Variants in MFSD6 observed in about 807,000 individuals in gnomAD.
The protein encoded by MFSD6 is major facilitator superfamily domain-containing protein 6.
In MFSD6, 26 loss-of-function variants were observed where a neutral mutation model predicts 56.3. That is an observed-to-expected ratio of 0.46 (90% CI 0.34 to 0.64). The LOEUF (loss-of-function observed/expected upper bound fraction) is 0.64, where lower values mean the gene tolerates loss of function less well. Ranked by LOEUF, MFSD6 falls within the 30% of genes least tolerant of loss-of-function variation. The pLI is 0.01. For missense variants in MFSD6, 750 were observed against 986.2 expected (o/e 0.76, Z 3.21); for synonymous variants, 331 against 366.9 (o/e 0.90, Z 1.12).
intron 4 of MFSD6, among the ~76,000 whole-genome samples, chr2:190,474,533 G>T (rs1423578841): frequency 3.9e-5 from 6 of 152,138 alleles, no homozygotes; most frequent in Non-Finnish European, 1.5e-5. Flanking sequence ...TTGAATCTCT[G>T]AATAGACCAA....
chr2:190,451,913 CTTA>C lies in MFSD6; in HGVS notation c.1532+14361_1532+14363del, dbSNP rs1559118951. Among the ~76,000 whole-genome samples, 1 of 152,102 alleles carries C rather than the reference CTTA, an allele frequency of 6.6e-6. No individual in the cohort carries two copies. Among genetic ancestry groups the C allele is most frequent in the African/African-American group, 2.4e-5 (1 of 41,432 alleles). ...AGGCAATTGCTTGGGCAGAGGATTT[CTTA>C]TTATTATTTATCTCACCCTACTTTA... On this transcript the variant is annotated intron_variant, in intron 3 of 7. Transcript: ENST00000392328. This position sits in a 1 kb window ranked among gnomAD's most constrained non-coding sequence, Gnocchi z 5.0.
intron 3 of MFSD6, among the ~76,000 whole-genome samples, chr2:190,448,278 C>T (rs985692813): frequency 6.6e-6 from 1 of 152,182 alleles, no homozygotes; most frequent in African/African-American, 2.4e-5. Context: ...CTAGATACTC[C>T]CTATGGCCTA....
In MFSD6 at chr2:190,412,178, T is replaced by C. The variant is rs1690587835; in HGVS notation, c.-175-3114T>C. ...AACCACTGCTTAGAATCCTTAAAAA[T>C]TAATACATTTCCAGACTTAGAAATC... On this transcript the variant is annotated intron_variant, in intron 1 of 7. Coordinates refer to ENST00000392328, the MANE Select transcript of MFSD6 (RefSeq NM_017694.4). This position sits in a 1 kb window ranked among gnomAD's most constrained non-coding sequence, Gnocchi z 4.1. 1.0e-6 allele frequency: 1 copy of C among 984,542 alleles called. No homozygotes were observed. Among genetic ancestry groups the C allele is most frequent in the African/African-American group, 1.7e-5 (1 of 57,228 alleles). The allele number at this position is 984,542 out of a possible 1,614,324, so 61.0% of individuals were successfully genotyped here.
At position 190,436,764 on chromosome 2, in the gene MFSD6, C is replaced by T. The variant is rs757922955; in HGVS notation, c.735C>T (p.Ser245=). 3.7e-6 allele frequency: 6 copies of T among 1,614,066 alleles called. No individual in the cohort carries two copies. Among genetic ancestry groups the T allele is most frequent in the Admixed American group, 3.3e-5 (2 of 60,002 alleles). Residue 245 remains serine (S), a synonymous_variant, in exon 3 of 8, where the codon AGC becomes AGT. Coordinates refer to ENST00000392328, the MANE Select transcript of MFSD6 (RefSeq NM_017694.4). This position sits in a 1 kb window ranked among gnomAD's most constrained non-coding sequence, Gnocchi z 5.3. ...TGATGGACTTGACTTTGAACTCAAG[C>T]ACAGCAACCCCTGTCTCCCCAGGAA... ...NRMMDLTLNS[S]TATPVSPGSV...
chr2:190,455,213 T>C (rs774235206), intron 3 of MFSD6, among the ~76,000 whole-genome samples: 18 of 152,158 alleles, frequency 1.2e-4, no homozygotes, highest in Non-Finnish European at 2.1e-4. Flanking sequence ...TGCTATTTTA[T>C]TGCTATTTAT....
At position 190,467,301 on chromosome 2, in the gene MFSD6, A is replaced by G. The variant is rs937544247; in HGVS notation, c.1533-2457A>G. On this transcript the variant is annotated intron_variant, in intron 3 of 7. Coordinates refer to ENST00000392328, the MANE Select transcript of MFSD6 (RefSeq NM_017694.4). The surrounding 1 kb of genome is among the most constrained non-coding windows in gnomAD (Gnocchi z 5.5). The stretch of plus-strand genomic sequence containing the variant: ...GCATCTGTAGTTGTAAACAGTTACC[A>G]TGGTAAATCTGATGTCCAGCCAAGG... 1.3e-5 allele frequency among the ~76,000 whole-genome samples: 2 copies of G among 152,186 alleles called. No individual in the cohort carries two copies. Among genetic ancestry groups the G allele is most frequent in the African/African-American group, 4.8e-5 (2 of 41,434 alleles).
chr2:190,415,078 A>G lies in MFSD6; in HGVS notation c.-175-214A>G, dbSNP rs1409303386. Among the ~76,000 whole-genome samples, 1 of 152,110 alleles carries G rather than the reference A, an allele frequency of 6.6e-6. No homozygotes were observed. The highest frequency in any genetic ancestry group is 2.4e-5 in the African/African-American group (1 of 41,422). On this transcript the variant is annotated intron_variant, in intron 1 of 7. Coordinates refer to ENST00000392328, the MANE Select transcript of MFSD6 (RefSeq NM_017694.4). This position sits in a 1 kb window ranked among gnomAD's most constrained non-coding sequence, Gnocchi z 4.5. ...TAACTGTCCTTATTATTGATCACTT[A>G]CTTTGTTTCAGTTGTGATTGTTGTG...
At chr2:190,427,102 C>G (rs925972298) in intron 2 of MFSD6, among the ~76,000 whole-genome samples, 2 of 152,214 alleles carry the variant, frequency 1.3e-5, no homozygotes, top group African/African-American at 4.8e-5. Context: ...GGTGAAAGTC[C>G]TGATTCTCTA....
rs911234826 is a variant in MFSD6 at position 190,456,330 on chromosome 2, T to C, written c.1533-13428T>C. The stretch of plus-strand genomic sequence containing the variant: ...TTTAGCATGGTGAGTGGGAACTGCA[T>C]TGACTTCAGTCTGAGTGCTAGTGAA... On this transcript the variant is annotated intron_variant, in intron 3 of 7. Coordinates refer to ENST00000392328, the MANE Select transcript of MFSD6 (RefSeq NM_017694.4). The surrounding 1 kb of genome is among the most constrained non-coding windows in gnomAD (Gnocchi z 5.4). Among the ~76,000 whole-genome samples, 1 of 152,220 alleles carries C rather than the reference T, an allele frequency of 6.6e-6. No individual in the cohort carries two copies. Among genetic ancestry groups the C allele is most frequent in the Non-Finnish European group, 1.5e-5 (1 of 68,034 alleles).
At chr2:190,446,696 A>G (rs1686597034) in intron 3 of MFSD6, among the ~76,000 whole-genome samples, 1 of 152,238 alleles carries the variant, frequency 6.6e-6, no homozygotes, top group Non-Finnish European at 1.5e-5. Context: ...GGGAATCTAC[A>G]GTAGCTAGAC....
chr2:190,409,286 G>C, intron 1 of MFSD6, among the ~76,000 whole-genome samples: 1 of 152,114 alleles, frequency 6.6e-6, no homozygotes, highest in South Asian at 2.1e-4. Context: ...TTTCCCCCTC[G>C]TTAATCCCAT....
In MFSD6 at chr2:190,497,445, C is replaced by A. The variant is rs1171819408; in HGVS notation, c.1898C>A (p.Thr633Lys). The change falls in exon 7 of 8, where the codon ACA (threonine) becomes AAA (lysine). Residue 633 changes from threonine (T) to lysine (K), a missense_variant. By Grantham distance (78) the Thr-to-Lys change is moderately conservative. Transcript: ENST00000392328. This position sits in a 1 kb window ranked among gnomAD's most constrained non-coding sequence, Gnocchi z 5.2. The part of the protein sequence containing the change: ...LAVPDEEEDK[T>K]MLAERIPVPS... ...AACATTCTTTTCTCTCCAGACAAGA[C>A]AATGTTGGCAGAAAGAATTCCTGTT... is the stretch of plus-strand genomic sequence containing the variant. 14 of 1,613,118 alleles carry A rather than the reference C, an allele frequency of 8.7e-6. No homozygotes were observed. Among genetic ancestry groups the A allele is most frequent in the East Asian group, 2.2e-5 (1 of 44,890 alleles).
At chr2:190,435,363 A>G (rs1686141379) in intron 2 of MFSD6, 1 of 152,256 alleles carries the variant, frequency 6.6e-6, no homozygotes, top group Non-Finnish European at 1.5e-5. Flanking sequence ...CCATTTTCTT[A>G]AACTGCTATC....
At chr2:190,446,182 A>G (rs145923339) in intron 3 of MFSD6, among the ~76,000 whole-genome samples, 43 of 152,328 alleles carry the variant, frequency 2.8e-4, no homozygotes, top group African/African-American at 9.6e-4. Context: ...GTTTCCTAAG[A>G]CCAAAATGAG....
chr2:190,414,417 C>T (rs1363715608), intron 1 of MFSD6, among the ~76,000 whole-genome samples: 1 of 152,098 alleles, frequency 6.6e-6, no homozygotes, highest in Non-Finnish European at 1.5e-5. Flanking sequence ...ACAAATATGC[C>T]CCAATTCACA....
chr2:190,411,636 T>G lies in MFSD6; in HGVS notation c.-176+3133T>G, dbSNP rs1001593381. ...CTAGAATTAATTGATTTTATAACAA[T>G]CCAAAGTAAGATAAAATTGAATGTG... On this transcript the variant is annotated intron_variant, in intron 1 of 7. Coordinates refer to ENST00000392328, the MANE Select transcript of MFSD6 (RefSeq NM_017694.4). 9.2e-6 allele frequency: 9 copies of G among 978,476 alleles called. No individual in the cohort carries two copies. The African/African-American group carries it at 1.4e-4, about 15-fold the overall frequency. 60.6% of individuals were successfully genotyped at this position (978,476 alleles called of 1,614,324 possible). A position where few individuals can be genotyped will look rare whatever the true frequency, so the allele number is the denominator to read the frequency against.
At position 190,451,445 on chromosome 2, in the gene MFSD6, C is replaced by T. The variant is rs1686771723; in HGVS notation, c.1532+13884C>T. On this transcript the variant is annotated intron_variant, in intron 3 of 7. Coordinates refer to ENST00000392328, the MANE Select transcript of MFSD6 (RefSeq NM_017694.4). This position sits in a 1 kb window ranked among gnomAD's most constrained non-coding sequence, Gnocchi z 5.0. Reference sequence around the variant, plus strand: ...TGGGTGACAGGCACTGTGCTATAATCTAGGGATATATGGAATCTGTAATAA... The same window carrying T: ...TGGGTGACAGGCACTGTGCTATAATTTAGGGATATATGGAATCTGTAATAA... Among the ~76,000 whole-genome samples, 1 of 152,174 alleles carries T rather than the reference C, an allele frequency of 6.6e-6. No individual in the cohort carries two copies. The highest frequency in any genetic ancestry group is 2.1e-4 in the South Asian group (1 of 4,832).
At position 190,408,862 on chromosome 2, in the gene MFSD6, G is replaced by A. The variant is rs569137994; in HGVS notation, c.-176+359G>A. 2.4e-3 allele frequency among the ~76,000 whole-genome samples: 367 copies of A among 152,266 alleles called. 2 individuals carry two copies. Among genetic ancestry groups the A allele is most frequent in the African/African-American group, 8.5e-3 (354 of 41,558 alleles). On this transcript the variant is annotated intron_variant, in intron 1 of 7. Transcript: ENST00000392328. Reference sequence around the variant, plus strand: ...GCTGCCCAGGGAGCCCTCGCCGGGCGCCCACAGCTGCTGCCGCGGGTGGGG... The same window carrying A: ...GCTGCCCAGGGAGCCCTCGCCGGGCACCCACAGCTGCTGCCGCGGGTGGGG...
chr2:190,440,055 T>C (rs1179033213), intron 3 of MFSD6, among the ~76,000 whole-genome samples: 1 of 152,192 alleles, frequency 6.6e-6, no homozygotes, highest in African/African-American at 2.4e-5. Context: ...ATCACAGAAG[T>C]AGATCTGCCC....
Sources: allele counts gnomAD v4.1 joint callset (sites outside exome capture counted in the v4.1 genomes callset), GRCh38; gene constraint gnomAD v4.1.1; non-coding constraint Gnocchi (gnomAD v3.1); transcripts MANE v1.5; gene names NCBI Gene and HGNC (gene_info 2026-07-23, HGNC 2026-07-21).